ZNF331: variants seen among roughly 807,000 people sequenced by gnomAD.
ZNF331 encodes zinc finger protein 331, also known as C2H2-like zinc finger protein rearranged in thyroid adenomas.
In ZNF331, 2 loss-of-function variants were observed where a neutral mutation model predicts 7.0. That is an observed-to-expected ratio of 0.29 (90% CI 0.12 to 0.90). ZNF331 has a LOEUF of 0.90. Ranked by LOEUF, ZNF331 falls within the 40% of genes least tolerant of loss-of-function variation. The pLI is 0.58. For missense variants in ZNF331, 432 were observed against 587.7 expected, an observed-to-expected ratio of 0.74 and a Z score of 2.74; for synonymous variants, 196 against 205.4, an observed-to-expected ratio of 0.95 and a Z score of 0.39.
chr19:53,557,770 C>A (rs1315048713), intron 3 of ZNF331, among the ~76,000 whole-genome samples: 3 of 152,184 alleles, frequency 2.0e-5, no homozygotes, highest in African/African-American at 7.2e-5. Flanking sequence ...TTGAAACCAG[C>A]CTGGCCAGCA....
At chr19:53,530,372 T>C (rs2087490584) in intron 2 of ZNF331, among the ~76,000 whole-genome samples, 1 of 135,262 alleles carries the variant, frequency 7.4e-6, no homozygotes, top group African/African-American at 3.0e-5. Flanking sequence ...AGGCCCCACC[T>C]CCAGCACTGG....
intron 3 of ZNF331, among the ~76,000 whole-genome samples, chr19:53,556,971 CTTTTTTTTTTTTTTTT>C (rs59869542): frequency 1.4e-5 from 1 of 69,588 alleles, no homozygotes; most frequent in Admixed American, 1.7e-4. Context: ...ACACCTGGCT[CTTTTTTTTTTTTTTTT>C]TTTTTTTTTT....
At chr19:53,574,179 C>T (rs1374247881) in intron 5 of ZNF331, among the ~76,000 whole-genome samples, 2 of 152,152 alleles carry the variant, frequency 1.3e-5, no homozygotes, top group Admixed American at 1.3e-4. Context: ...TCCTCAAGTT[C>T]TATGTCCTCT....
At chr19:53,522,467 C>G (rs1018277827) in intron 1 of ZNF331, 8 of 152,126 alleles carry the variant, frequency 5.3e-5, no homozygotes, top group African/African-American at 1.9e-4. Flanking sequence ...GATCTCTTGA[C>G]TTCATGATCC....
At chr19:53,505,421 G>A in the ZNF331 span, among the ~76,000 whole-genome samples, 94,979 of 151,864 alleles carry the variant, frequency 0.63, 29,874 homozygotes, top group Admixed American at 0.67. Flanking sequence ...CTGGTCTCGA[G>A]CTCCTGGGCT....
chr19:53,505,383 G>A, the ZNF331 span, among the ~76,000 whole-genome samples: 2 of 152,096 alleles, frequency 1.3e-5, no homozygotes, highest in Non-Finnish European at 2.9e-5. Flanking sequence ...CCCGCCCTGG[G>A]CTCCAGCCTC....
At chr19:53,543,227 C>A (rs1440949878) in intron 2 of ZNF331, among the ~76,000 whole-genome samples, 2 of 152,080 alleles carry the variant, frequency 1.3e-5, no homozygotes, top group African/African-American at 2.4e-5. Flanking sequence ...AAGTTCAAGA[C>A]CAACCTGGGC....
chr19:53,550,907 A>T (rs192452140), intron 2 of ZNF331, among the ~76,000 whole-genome samples: 51 of 148,150 alleles, frequency 3.4e-4, no homozygotes, highest in East Asian at 4.0e-4. Flanking sequence ...CTGGAGTGCA[A>T]GGTGCAATCT....
At chr19:53,520,605 G>C (rs1044387247), upstream of ZNF331, among the ~76,000 whole-genome samples, 4 of 152,212 alleles carry the variant, frequency 2.6e-5, no homozygotes, top group African/African-American at 9.7e-5. Flanking sequence ...CTAACAGTGG[G>C]AGGAGACACC....
rs1228911738 is a variant in ZNF331, at chr19:53,571,919, C to T, written c.136+189C>T. 6.6e-6 allele frequency among the ~76,000 whole-genome samples: 1 copy of T among 152,104 alleles called. No individual in the cohort carries two copies. The highest frequency in any genetic ancestry group is 1.5e-5 in the Non-Finnish European group (1 of 68,038). ...TCCCATCCATCGGTTACCTTCCCAC[C>T]TTTGTCGACTCCCCCGTAATCATCT... On this transcript the variant is annotated intron_variant, in intron 5 of 5. Coordinates refer to ENST00000449416, the MANE Select transcript of ZNF331 (RefSeq NM_001079906.2). This position sits in a 1 kb window ranked among gnomAD's most constrained non-coding sequence, Gnocchi z 4.7.
At chr19:53,504,690 C>G in the ZNF331 span, among the ~76,000 whole-genome samples, 5 of 152,226 alleles carry the variant, frequency 3.3e-5, no homozygotes, top group African/African-American at 1.2e-4. Context: ...CCAGAAATCT[C>G]ATGCCCTCAG....
the ZNF331 span, among the ~76,000 whole-genome samples, chr19:53,507,373 G>A: frequency 6.6e-6 from 1 of 151,970 alleles, no homozygotes; most frequent in African/African-American, 2.4e-5. Flanking sequence ...TTTGAGATGG[G>A]TTAGTCCAAA....
At chr19:53,561,613 G>A (rs2089891651) in intron 3 of ZNF331, among the ~76,000 whole-genome samples, 2 of 152,226 alleles carry the variant, frequency 1.3e-5, no homozygotes, top group South Asian at 2.1e-4. Context: ...TAAAATTAAA[G>A]ATTCTAAGGT....
At chr19:53,513,559 T>C in the ZNF331 span, among the ~76,000 whole-genome samples, 206 of 151,664 alleles carry the variant, frequency 1.4e-3, no homozygotes, top group African/African-American at 4.7e-3. Flanking sequence ...TTTTTAATAA[T>C]AGCAATCCTA....
At chr19:53,506,016 G>A in the ZNF331 span, among the ~76,000 whole-genome samples, 4 of 151,358 alleles carry the variant, frequency 2.6e-5, no homozygotes, top group East Asian at 5.9e-4. Context: ...AAAGTGCAGC[G>A]CAGACCATGG....
At chr19:53,529,877 G>T (rs1384047679) in intron 2 of ZNF331, among the ~76,000 whole-genome samples, 8 of 152,156 alleles carry the variant, frequency 5.3e-5, no homozygotes, top group Non-Finnish European at 1.2e-4. Flanking sequence ...GGGAATTCCA[G>T]GTGATGTACC....
intron 2 of ZNF331, among the ~76,000 whole-genome samples, chr19:53,544,773 A>C (rs1464330752): frequency 6.6e-6 from 1 of 151,760 alleles, no homozygotes; most frequent in East Asian, 2.0e-4. Context: ...TTTCTCTGTC[A>C]CCCAGGCTGG....
chr19:53,505,854 G>A, the ZNF331 span, among the ~76,000 whole-genome samples: 2 of 151,702 alleles, frequency 1.3e-5, no homozygotes, highest in East Asian at 3.9e-4. Flanking sequence ...GCGTGGTGGT[G>A]GGCACCTGTA....
chr19:53,513,132 C>T, the ZNF331 span, among the ~76,000 whole-genome samples: 1 of 151,430 alleles, frequency 6.6e-6, no homozygotes, highest in East Asian at 1.9e-4. Flanking sequence ...TCCCCAGTTC[C>T]TCTCTGGGTG....
Sources: allele counts gnomAD v4.1 joint callset (sites outside exome capture counted in the v4.1 genomes callset), GRCh38; gene constraint gnomAD v4.1.1; non-coding constraint Gnocchi (gnomAD v3.1); transcripts MANE v1.5; gene names NCBI Gene and HGNC (gene_info 2026-07-23, HGNC 2026-07-21).